SYNE3: variants seen among roughly 807,000 people sequenced by gnomAD.
SYNE3 encodes the protein spectrin repeat containing nuclear envelope family member 3, also known as nesprin-3.
SYNE3 carries 100 observed loss-of-function variants against 111.2 expected under a neutral mutation model. The observed-to-expected ratio is 0.90, with a 90% CI of 0.77 to 1.06. The LOEUF is 1.06. Ranked by LOEUF, SYNE3 falls within the 50% of genes least tolerant of loss-of-function variation. SYNE3 has a pLI of 0.00. For missense variants in SYNE3, 1,160 were observed against 1,240.3 expected, an observed-to-expected ratio of 0.94 and a Z score of 0.97; for synonymous variants, 547 against 533.9, an observed-to-expected ratio of 1.02 and a Z score of -0.34.
chr14:95,464,675 C>T (rs575708583), intron 4 of SYNE3, among the ~76,000 whole-genome samples: 2 of 152,324 alleles, frequency 1.3e-5, no homozygotes, highest in Non-Finnish European at 2.9e-5. Context: ...AGATAAACCT[C>T]AGGAGGAGCC....
At chr14:95,431,448 T>G (rs1885756074) in intron 17 of SYNE3, among the ~76,000 whole-genome samples, 1 of 152,244 alleles carries the variant, frequency 6.6e-6, no homozygotes, top group African/African-American at 2.4e-5. Flanking sequence ...GCACAGTTCC[T>G]GGCACACACA....
chr14:95,409,042 C>T lies in SYNE3; in HGVS notation c.*8784G>A, dbSNP rs1029137339. 7.2e-6 allele frequency: 3 copies of T among 415,830 alleles called. No homozygotes were observed. Among genetic ancestry groups the T allele is most frequent in the African/African-American group, 4.1e-5 (2 of 49,242 alleles). 25.8% of individuals were successfully genotyped at this position (415,830 alleles called of 1,614,324 possible). ...CACAGGAGGAAAGCAGCATGCTGCC[C>T]CTGCTTTGGAATGTTGCCCTCCAGC... is the stretch of plus-strand genomic sequence containing the variant. On this transcript the variant is annotated 3_prime_UTR_variant, in exon 18 of 18. Coordinates refer to ENST00000682763, the MANE Select transcript of SYNE3 (RefSeq NM_152592.6).
intron 1 of SYNE3, among the ~76,000 whole-genome samples, chr14:95,476,732 A>G (rs1888911192): frequency 6.6e-6 from 1 of 152,260 alleles, no homozygotes; most frequent in Non-Finnish European, 1.5e-5. Context: ...ATTCAAAGGG[A>G]TTGTGTCTGG....
At chr14:95,444,414 G>C (rs1886584165) in intron 10 of SYNE3, 71 bp downstream of exon 10, 2 of 1,517,916 alleles carry the variant, frequency 1.3e-6, no homozygotes, top group Admixed American at 4.3e-5. Context: ...GTTACTGCTA[G>C]AGGGAGACGC....
rs1890950819 is a variant in SYNE3 at position 95,516,619 on chromosome 14, G to C, written c.-38C>G. Among the ~76,000 whole-genome samples the C allele has an allele frequency of 6.6e-6, 1 of 151,132 alleles. No individual in the cohort carries two copies. The highest frequency in any genetic ancestry group is 1.5e-5 in the Non-Finnish European group (1 of 67,694). ...ACCCTCCCGGAGCGTGGAGGAGCGC[G>C]GCGCCGCGGGTAGCTGGGGCCGAGC... is the stretch of plus-strand genomic sequence containing the variant. On this transcript the variant is annotated 5_prime_UTR_variant, in exon 1 of 18. Transcript: ENST00000682763.
Position 95,414,951 on chromosome 14 carries a change from GCAAA to G in SYNE3, c.*2871_*2874del, listed in dbSNP as rs1329139040. The stretch of plus-strand genomic sequence containing the variant: ...CAATTCTTTTTTAAAAAACAGTTAT[GCAAA>G]CAAACAGACTTGATGGCATCATTAT... On this transcript the variant is annotated 3_prime_UTR_variant, in exon 18 of 18. Coordinates refer to ENST00000682763, the MANE Select transcript of SYNE3 (RefSeq NM_152592.6). 1.3e-5 allele frequency: 2 copies of G among 152,100 alleles called. No individual in the cohort carries two copies. The highest frequency in any genetic ancestry group is 6.5e-5 in the Admixed American group (1 of 15,276). The allele number at this position is 152,100 out of a possible 1,614,324, so 9.4% of individuals were successfully genotyped here. A position where few individuals can be genotyped will look rare whatever the true frequency, so the allele number is the denominator to read the frequency against.
chr14:95,481,182 G>C (rs1889229209), intron 1 of SYNE3, among the ~76,000 whole-genome samples: 1 of 152,264 alleles, frequency 6.6e-6, no homozygotes, highest in Non-Finnish European at 1.5e-5. Context: ...ACTTGCAGTA[G>C]TGCTGACATT....
intron 17 of SYNE3, among the ~76,000 whole-genome samples, chr14:95,429,694 C>G (rs1426080997): frequency 2.0e-5 from 3 of 152,262 alleles, no homozygotes; most frequent in Middle Eastern, 6.8e-3. Flanking sequence ...TAAGCAGATT[C>G]TTTAGTCATT....
At position 95,444,493 on chromosome 14, in the gene SYNE3, T is replaced by G. The variant is rs1290899158; in HGVS notation, c.1768A>C (p.Arg590=). ...CCTCACAGACCCCTCACCTGCAACC[T>G]TGAGAGCTGGGCCTGTTTTCCAGGA... ...DLPGKQAQLS[R]LQGLQEEGLD... Residue 590 remains arginine, a synonymous_variant, in exon 10 of 18, where the codon AGG becomes CGG. Coordinates refer to ENST00000682763, the MANE Select transcript of SYNE3 (RefSeq NM_152592.6). The G allele has an allele frequency of 6.2e-7, 1 of 1,610,908 alleles. No homozygotes were observed. The highest frequency in any genetic ancestry group is 1.3e-5 in the African/African-American group (1 of 74,968).
intron 1 of SYNE3, among the ~76,000 whole-genome samples, chr14:95,490,088 G>A (rs770370405): frequency 6.6e-6 from 1 of 152,222 alleles, no homozygotes; most frequent in Non-Finnish European, 1.5e-5. Context: ...CTTTAAGTTG[G>A]AAGGTTGTTG....
intron 1 of SYNE3, among the ~76,000 whole-genome samples, chr14:95,477,628 C>T (rs1460856034): frequency 1.3e-5 from 2 of 152,154 alleles, no homozygotes; most frequent in South Asian, 2.1e-4. Flanking sequence ...CCATCAGACG[C>T]GTGCTGGGCC....
At chr14:95,504,796 C>T (rs1890467604) in intron 1 of SYNE3, among the ~76,000 whole-genome samples, 1 of 151,422 alleles carries the variant, frequency 6.6e-6, no homozygotes, top group Non-Finnish European at 1.5e-5. Flanking sequence ...GCCTGAACAA[C>T]ATAGCAAGAC....
At position 95,465,963 on chromosome 14, in the gene SYNE3, C is replaced by A; in HGVS notation, c.595G>T (p.Ala199Ser). The part of the protein sequence containing the change: ...VDEDAQKRMK[A>S]EYDAVKAKAQ... Reference sequence around the variant, plus strand: ...TTGGCCTTCACTGCATCGTACTCAGCCTTCATTCTCTTCTGGGCATCTTCG... The same window carrying A: ...TTGGCCTTCACTGCATCGTACTCAGACTTCATTCTCTTCTGGGCATCTTCG... Residue 199 changes from alanine (A) to serine (S), a missense_variant, in exon 4 of 18, where the codon GCT becomes TCT. Ala to Ser is a moderately conservative substitution (Grantham distance 99). Transcript: ENST00000682763. The A allele has an allele frequency of 6.3e-7, 1 of 1,595,608 alleles. No homozygotes were observed. The highest frequency in any genetic ancestry group is 1.7e-5 in the Admixed American group (1 of 59,618).
intron 4 of SYNE3, among the ~76,000 whole-genome samples, chr14:95,463,395 T>G (rs12434187): frequency 0.68 from 103,969 of 152,136 alleles, 35,688 homozygotes; most frequent in Admixed American, 0.73. Flanking sequence ...CACCCCAGCA[T>G]CCACCCTCAC....
intron 7 of SYNE3, 172 bp downstream of exon 7, chr14:95,452,075 A>G: frequency 1.3e-6 from 1 of 744,178 alleles, no homozygotes; most frequent in Non-Finnish European, 2.0e-6. Flanking sequence ...AAACAGTCAA[A>G]GGGGACAGTG....
At chr14:95,476,946 A>G (rs1018019810) in intron 1 of SYNE3, among the ~76,000 whole-genome samples, 1 of 152,378 alleles carries the variant, frequency 6.6e-6, no homozygotes, top group East Asian at 1.9e-4. Flanking sequence ...TTAGAATATT[A>G]TGCAGCCAGC....
At chr14:95,484,260 G>A (rs1889420197) in intron 1 of SYNE3, among the ~76,000 whole-genome samples, 3 of 152,194 alleles carry the variant, frequency 2.0e-5, no homozygotes, top group South Asian at 2.1e-4. Flanking sequence ...GTCCCCAGCC[G>A]TGGTAGGGAT....
At chr14:95,456,087 GTA>G (rs1437418562) in intron 5 of SYNE3, 5 of 357,966 alleles carry the variant, frequency 1.4e-5, no homozygotes, top group Non-Finnish European at 2.5e-5. Flanking sequence ...CGGTTTCATT[GTA>G]TTTATTTGTG....
intron 1 of SYNE3, among the ~76,000 whole-genome samples, chr14:95,486,625 C>T (rs1029990951): frequency 2.6e-5 from 4 of 152,162 alleles, no homozygotes; most frequent in Non-Finnish European, 4.4e-5. Context: ...CAGCCCTAAA[C>T]CCCAGCGGCC....
Sources: gnomAD v4.1 joint callset for allele counts (sites outside exome capture counted in the v4.1 genomes callset) on GRCh38, gnomAD v4.1.1 for gene constraint, MANE v1.5 for transcripts, NCBI Gene and HGNC (gene_info 2026-07-23, HGNC 2026-07-21) for gene names.